WRNIP1: variants seen among roughly 807,000 people sequenced by gnomAD.
WRNIP1 encodes WRN helicase interacting protein 1, also known as ATPase WRNIP1.
A neutral mutation model predicts 56.1 loss-of-function variants in WRNIP1; 41 were observed. The ratio of observed to expected loss-of-function variants is 0.73; its 90% CI spans 0.57 to 0.95. The LOEUF (loss-of-function observed/expected upper bound fraction) is 0.95. Ranked by LOEUF, WRNIP1 falls within the 40% of genes least tolerant of loss-of-function variation. WRNIP1 has a pLI of 0.00. For missense variants in WRNIP1, 1,170 were observed against 939.4 expected (o/e 1.25, Z -3.21); for synonymous variants, 547 against 398.1 (o/e 1.37, Z -4.45).
rs1452485794 is a variant in WRNIP1, at chr6:2,773,179, C to CT, written c.1256+2825dup. ...TTCCCATTAAAGTGAAATAAGTGTT[C>CT]TTTTTTTAAAAAAAAATTCCCTCCT... On this transcript the variant is annotated intron_variant, in intron 3 of 6. Coordinates refer to ENST00000380773, the MANE Select transcript of WRNIP1 (RefSeq NM_020135.3). 53 of 985,104 alleles carry CT rather than the reference C, an allele frequency of 5.4e-5. No individual in the cohort carries two copies. The South Asian group carries it at 6.6e-4, about 12-fold the overall frequency. 61.0% of individuals were successfully genotyped at this position (985,104 alleles called of 1,614,324 possible). A position where few individuals can be genotyped will look rare whatever the true frequency, so the allele number is the denominator to read the frequency against.
intron 3 of WRNIP1, among the ~76,000 whole-genome samples, chr6:2,778,660 A>C (rs1309033110): frequency 6.6e-6 from 1 of 152,180 alleles, no homozygotes; most frequent in Non-Finnish European, 1.5e-5. Flanking sequence ...CTACTGCAGC[A>C]TCCCAAGATT....
chr6:2,784,729 T>C (rs926306240), intron 6 of WRNIP1, among the ~76,000 whole-genome samples: 1 of 152,074 alleles, frequency 6.6e-6, no homozygotes, highest in Non-Finnish European at 1.5e-5. Context: ...ATTCATCTCT[T>C]TTATATATTG....
chr6:2,767,400 A>G (rs903646284), intron 1 of WRNIP1, among the ~76,000 whole-genome samples: 1 of 152,248 alleles, frequency 6.6e-6, no homozygotes, highest in Non-Finnish European at 1.5e-5. Context: ...GTTTGCACAC[A>G]AGGCTTTTAT....
intron 3 of WRNIP1, among the ~76,000 whole-genome samples, chr6:2,774,721 C>G (rs913640256): frequency 1.4e-4 from 21 of 152,346 alleles, no homozygotes; most frequent in African/African-American, 5.1e-4. Context: ...AGACATGTGC[C>G]TCCATGGGAT....
intron 4 of WRNIP1, 66 bp from the exon 5 acceptor site, chr6:2,783,340 G>T (rs1337117561): frequency 8.9e-6 from 13 of 1,463,442 alleles, no homozygotes; most frequent in Non-Finnish European, 1.2e-5. Flanking sequence ...TCAGCTGGCG[G>T]AGGTGAAGAT....
In WRNIP1 at chr6:2,770,256, C is replaced by T. The variant is rs1554137395; in HGVS notation, c.1151C>T (p.Ala384Val). ...GTTCTTGAGAAGCTTCCAGTAGAGG[C>T]AATGGTGACTATTTTAATGCGAGCG... ...VIVLEKLPVE[A>V]MVTILMRAIN... The change falls in exon 3 of 7, where the codon GCA becomes GTA. Residue 384 changes from alanine to valine, a missense_variant. By Grantham distance (64) the Ala-to-Val change is moderately conservative. Transcript: ENST00000380773. The T allele has an allele frequency of 1.9e-6, 3 of 1,614,184 alleles. No individual in the cohort carries two copies. Among genetic ancestry groups the T allele is most frequent in the Non-Finnish European group, 2.5e-6 (3 of 1,180,030 alleles).
At position 2,765,592 on chromosome 6, in the gene WRNIP1, G is replaced by A. The variant is rs1305034908; in HGVS notation, c.-31G>A. The A allele has an allele frequency of 6.8e-6, 10 of 1,469,360 alleles. No individual in the cohort carries two copies. The highest frequency in any genetic ancestry group is 1.5e-5 in the African/African-American group (1 of 67,976). The allele number at this position is 1,469,360 out of a possible 1,614,324, so 91.0% of individuals were successfully genotyped here. On this transcript the variant is annotated 5_prime_UTR_variant, in exon 1 of 7. Transcript: ENST00000380773. ...CGCGTGCGCACGGGTTGCTGCGGCC[G>A]CGCCGGGCGCCGGGGAGGGCGGCGG...
In WRNIP1 at chr6:2,785,128, C is replaced by T. The variant is rs372821009; in HGVS notation, c.1844C>T (p.Pro615Leu). 1.1e-5 allele frequency: 17 copies of T among 1,614,086 alleles called. No individual in the cohort carries two copies. Among genetic ancestry groups the T allele is most frequent in the African/African-American group, 1.3e-5 (1 of 74,930 alleles). ...RNHQGPLPPVPLHLRNAPTRL... is the reference protein window; with the variant it reads ...RNHQGPLPPVLLHLRNAPTRL... Reference sequence around the variant, plus strand: ...CACCAGGGGCCACTGCCCCCCGTGCCCCTGCACCTGAGGAACGCGCCCACT... The same window carrying T: ...CACCAGGGGCCACTGCCCCCCGTGCTCCTGCACCTGAGGAACGCGCCCACT... The change falls in exon 7 of 7, where the codon CCC (proline) becomes CTC (leucine). Residue 615 changes from proline to leucine, a missense_variant. Physicochemically the swap from Pro to Leu is moderately conservative, Grantham distance 98 (BLOSUM62 -3). Transcript: ENST00000380773.
Position 2,770,325 on chromosome 6 carries a change from C to G in WRNIP1, c.1220C>G (p.Thr407Ser). ...CACGTCCTAGACTCTAGCCGTCCCA[C>G]TGACCCTCTGAGCCACAGCAGCAAC... Reference protein sequence around the residue: ...GIHVLDSSRPTDPLSHSSNSS... With the variant: ...GIHVLDSSRPSDPLSHSSNSS... The change falls in exon 3 of 7, where the codon ACT becomes AGT. Residue 407 changes from threonine to serine, a missense_variant. By Grantham distance (58) the Thr-to-Ser change is moderately conservative. Coordinates refer to ENST00000380773, the MANE Select transcript of WRNIP1 (RefSeq NM_020135.3). The G allele has an allele frequency of 6.2e-7, 1 of 1,614,194 alleles. No individual in the cohort carries two copies. The highest frequency in any genetic ancestry group is 8.5e-7 in the Non-Finnish European group (1 of 1,180,028).
intron 4 of WRNIP1, among the ~76,000 whole-genome samples, chr6:2,783,158 G>C (rs549329109): frequency 1.2e-4 from 18 of 152,150 alleles, no homozygotes; most frequent in Non-Finnish European, 2.1e-4. Flanking sequence ...GTGCGTGTGC[G>C]TGCACTCCAT....
intron 4 of WRNIP1, among the ~76,000 whole-genome samples, chr6:2,782,023 C>G (rs1462633485): frequency 6.6e-6 from 1 of 152,236 alleles, no homozygotes; most frequent in Non-Finnish European, 1.5e-5. Context: ...GAAAAGATGA[C>G]TAACCTGTGT....
In WRNIP1 at chr6:2,784,084, C is replaced by A. The variant is rs546851309; in HGVS notation, c.1643-240C>A. ...TTGTTATACAGAGACTCATGTTTTT[C>A]TAGATGCAGAGTTTTTATCCACAAG... On this transcript the variant is annotated intron_variant, in intron 5 of 6. Transcript: ENST00000380773. Among the ~76,000 whole-genome samples, 19 of 152,276 alleles carry A rather than the reference C, an allele frequency of 1.2e-4. No individual in the cohort carries two copies. The South Asian group carries it at 3.7e-3, about 30-fold the overall frequency.
At chr6:2,766,594 C>G in intron 1 of WRNIP1, 150 bp downstream of exon 1, 4 of 1,357,172 alleles carry the variant, frequency 2.9e-6, no homozygotes, top group South Asian at 1.8e-5. Flanking sequence ...GGGGCAGTGC[C>G]TGGTCCACAG....
At position 2,766,076 on chromosome 6, in the gene WRNIP1, G is replaced by A. The variant is rs1017451316; in HGVS notation, c.454G>A (p.Ala152Thr). ...GGCGGCCGCCGCCGCGGCGGGGAGC[G>A]CGTCTCCGCGCAGCTGGGACGAGGC... The part of the protein sequence containing the change: ...RPAAAAAAGS[A>T]SPRSWDEAEA... Residue 152 changes from alanine (A) to threonine (T), a missense_variant, in exon 1 of 7, where the codon GCG becomes ACG. By Grantham distance (58) the Ala-to-Thr change is moderately conservative. Coordinates refer to ENST00000380773, the MANE Select transcript of WRNIP1 (RefSeq NM_020135.3). 7.7e-7 allele frequency: 1 copy of A among 1,297,430 alleles called. No individual in the cohort carries two copies. The highest frequency in any genetic ancestry group is 9.7e-7 in the Non-Finnish European group (1 of 1,027,522). The allele number at this position is 1,297,430 out of a possible 1,614,324, so 80.4% of individuals were successfully genotyped here. A position where few individuals can be genotyped will look rare whatever the true frequency, so the allele number is the denominator to read the frequency against.
intron 1 of WRNIP1, among the ~76,000 whole-genome samples, chr6:2,767,399 C>G (rs1044053737): frequency 1.3e-5 from 2 of 152,226 alleles, no homozygotes; most frequent in African/African-American, 2.4e-5. Flanking sequence ...CGTTTGCACA[C>G]AAGGCTTTTA....
At chr6:2,775,878 ATTG>A (rs1765420591) in intron 3 of WRNIP1, among the ~76,000 whole-genome samples, 1 of 152,100 alleles carries the variant, frequency 6.6e-6, no homozygotes, top group South Asian at 2.1e-4. Flanking sequence ...TTTACTTCCT[ATTG>A]TTTATTTCCA....
intron 1 of WRNIP1, among the ~76,000 whole-genome samples, chr6:2,767,601 C>T (rs1383518983): frequency 1.3e-5 from 2 of 152,244 alleles, no homozygotes; most frequent in African/African-American, 2.4e-5. Flanking sequence ...TTGTTGACGT[C>T]TGTCCCCATG....
rs1764898715 is a variant in WRNIP1 at position 2,765,513 on chromosome 6, TC to T, written c.-106del. The T allele has an allele frequency of 1.6e-6, 2 of 1,269,494 alleles. No homozygotes were observed. The highest frequency in any genetic ancestry group is 2.3e-5 in the South Asian group (1 of 44,196). 78.6% of individuals were successfully genotyped at this position (1,269,494 alleles called of 1,614,324 possible). ...TCCGGCCCGCGAGCGTCCTGCTGGT[TC>T]CCCGAGCGAGGGTCTCGCGGCGCGG... On this transcript the variant is annotated 5_prime_UTR_variant, in exon 1 of 7. The change abolishes the stop of an existing upstream ORF in the 5' untranslated region. Transcript: ENST00000380773.
At position 2,785,344 on chromosome 6, in the gene WRNIP1, AG is replaced by A; in HGVS notation, c.*63del. 6.4e-7 allele frequency: 1 copy of A among 1,569,534 alleles called. No homozygotes were observed. ...TTAAGGGAGGGCCAGAAAGAAAGTT[AG>A]TGGATTGCAAAGTTGGTTGCCTGGT... On this transcript the variant is annotated 3_prime_UTR_variant, in exon 7 of 7. Coordinates refer to ENST00000380773, the MANE Select transcript of WRNIP1 (RefSeq NM_020135.3).
Sources: gnomAD v4.1 joint callset for allele counts (sites outside exome capture counted in the v4.1 genomes callset) on GRCh38, gnomAD v4.1.1 for gene constraint, MANE v1.5 for transcripts, NCBI Gene and HGNC (gene_info 2026-07-23, HGNC 2026-07-21) for gene names.